Variants in CTNNA3 observed in about 807,000 individuals in gnomAD.
The protein encoded by CTNNA3 is catenin alpha-3.
Under a neutral mutation model 95.7 loss-of-function variants are expected in CTNNA3, and 76 were observed. That is an observed-to-expected ratio of 0.79 (90% CI 0.66 to 0.96). The LOEUF (loss-of-function observed/expected upper bound fraction) is 0.96. CTNNA3 is among the 40% of genes least tolerant of loss of function. The probability of loss-of-function intolerance (pLI) is 0.00; values close to 1 mark genes in which losing one functional copy is unlikely to be tolerated. For missense variants in CTNNA3, 1,191 were observed against 1,089.8 expected (o/e 1.09, Z -1.31); for synonymous variants, 431 against 374.4 (o/e 1.15, Z -1.74).
At chr10:66,746,860 A>AGTGT (rs57102717) in intron 9 of CTNNA3, among the ~76,000 whole-genome samples, 68 of 150,560 alleles carry the variant, frequency 4.5e-4, no homozygotes, top group South Asian at 2.7e-3. Flanking sequence ...AAATGGATGC[A>AGTGT]GTGTGTGTGT....
At chr10:67,478,680 C>T (rs765556261) in intron 5 of CTNNA3, among the ~76,000 whole-genome samples, 7 of 151,988 alleles carry the variant, frequency 4.6e-5, no homozygotes, top group Non-Finnish European at 7.4e-5. Flanking sequence ...CAAAAACATA[C>T]TTAAATAAAT....
intron 15 of CTNNA3, among the ~76,000 whole-genome samples, chr10:66,021,916 C>G (rs866288056): frequency 2.2e-5 from 3 of 136,402 alleles, no homozygotes; most frequent in East Asian, 2.5e-4. Context: ...TACAATTGTA[C>G]GACCGCAGCT....
At chr10:66,833,990 T>G (rs1002726142) in intron 7 of CTNNA3, among the ~76,000 whole-genome samples, 1 of 152,188 alleles carries the variant, frequency 6.6e-6, no homozygotes, top group African/African-American at 2.4e-5. Context: ...TGCCAAAATG[T>G]TATTGGGAAG....
intron 7 of CTNNA3, among the ~76,000 whole-genome samples, chr10:66,806,261 T>TTG (rs59596203): frequency 0.12 from 17,465 of 143,698 alleles, 1,351 homozygotes; most frequent in East Asian, 0.35. Context: ...ATATTGGTGT[T>TTG]TGTGTGTGTG....
At chr10:66,748,462 C>T (rs1838977322) in intron 9 of CTNNA3, among the ~76,000 whole-genome samples, 1 of 152,102 alleles carries the variant, frequency 6.6e-6, no homozygotes, top group Non-Finnish European at 1.5e-5. Context: ...GACAGATGTA[C>T]TGCAGCTCCT....
chr10:67,460,684 G>C (rs1847342766), intron 5 of CTNNA3, among the ~76,000 whole-genome samples: 1 of 151,368 alleles, frequency 6.6e-6, no homozygotes, highest in Non-Finnish European at 1.5e-5. Context: ...GACTCTTCTG[G>C]CATTATTTTT....
At chr10:67,152,449 T>TTA (rs1264128966) in intron 7 of CTNNA3, among the ~76,000 whole-genome samples, 1 of 152,180 alleles carries the variant, frequency 6.6e-6, no homozygotes, top group African/African-American at 2.4e-5. Context: ...TACATTACGT[T>TTA]TAGTGTCATA....
intron 5 of CTNNA3, among the ~76,000 whole-genome samples, chr10:67,482,065 A>G (rs1848254305): frequency 6.6e-6 from 1 of 151,806 alleles, no homozygotes; most frequent in African/African-American, 2.4e-5. Flanking sequence ...TTGTAGATAT[A>G]CGGCTTTATT....
intron 7 of CTNNA3, among the ~76,000 whole-genome samples, chr10:67,068,639 A>G (rs1317534780): frequency 6.6e-6 from 1 of 152,256 alleles, no homozygotes; most frequent in Non-Finnish European, 1.5e-5. Flanking sequence ...TGAGAGTGAC[A>G]TCAGAAAAGC....
At chr10:67,296,530 CTT>C (rs1198152401) in intron 5 of CTNNA3, among the ~76,000 whole-genome samples, 1 of 152,164 alleles carries the variant, frequency 6.6e-6, no homozygotes, top group African/African-American at 2.4e-5. Flanking sequence ...AATATTTGGA[CTT>C]TGCGTCTTTC....
intron 7 of CTNNA3, among the ~76,000 whole-genome samples, chr10:66,978,723 T>G (rs1850228313): frequency 6.7e-6 from 1 of 149,578 alleles, no homozygotes; most frequent in Admixed American, 6.7e-5. Context: ...ATAAATACAT[T>G]TACTAAACCT....
chr10:67,760,404 T>C (rs1841456117), intron 1 of CTNNA3, among the ~76,000 whole-genome samples: 1 of 152,166 alleles, frequency 6.6e-6, no homozygotes, highest in Non-Finnish European at 1.5e-5. Flanking sequence ...AAGCTAATAT[T>C]ACAAGTTATA....
intron 11 of CTNNA3, among the ~76,000 whole-genome samples, chr10:66,495,227 G>A (rs570670103): frequency 1.3e-5 from 2 of 152,128 alleles, no homozygotes; most frequent in African/African-American, 4.8e-5. Flanking sequence ...TAAACTCTCA[G>A]AGTTCTTTAT....
intron 7 of CTNNA3, among the ~76,000 whole-genome samples, chr10:66,900,012 T>C (rs1564752032): frequency 6.6e-6 from 1 of 152,108 alleles, no homozygotes; most frequent in Non-Finnish European, 1.5e-5. Flanking sequence ...CCCAGCACAG[T>C]GTTTGAGCTC....
chr10:67,060,331 A>G (rs779436809), intron 7 of CTNNA3, among the ~76,000 whole-genome samples: 1 of 152,216 alleles, frequency 6.6e-6, no homozygotes, highest in Non-Finnish European at 1.5e-5. Flanking sequence ...GTCTTTTTAA[A>G]AAAATTCTGT....
At chr10:66,475,806 G>A (rs1384472208) in intron 11 of CTNNA3, among the ~76,000 whole-genome samples, 1 of 151,914 alleles carries the variant, frequency 6.6e-6, no homozygotes, top group African/African-American at 2.4e-5. Flanking sequence ...ACATTGTGAC[G>A]ATTCCTCAGA....
At chr10:67,601,702 A>T (rs948464717) in intron 3 of CTNNA3, among the ~76,000 whole-genome samples, 4 of 152,200 alleles carry the variant, frequency 2.6e-5, no homozygotes, top group African/African-American at 9.6e-5. Context: ...TTCTAAAACT[A>T]TTTAAAGAAA....
intron 5 of CTNNA3, among the ~76,000 whole-genome samples, chr10:67,341,038 T>C (rs57998305): frequency 0.018 from 2,720 of 152,272 alleles, 86 homozygotes; most frequent in African/African-American, 0.06. Context: ...TAGGTTTTTA[T>C]TTATTTTTTC....
In CTNNA3 at chr10:66,527,482, T is replaced by G. The variant is rs141812425; in HGVS notation, c.1375-6709A>C. On this transcript the variant is annotated intron_variant, in intron 10 of 17. Transcript: ENST00000433211. ...TATTTTGATAGGGATTACATTGAAC[T>G]GGTACATTGCTTTGGTTAGTATTAT... Among the ~76,000 whole-genome samples the G allele has an allele frequency of 4.8e-3, 733 of 152,256 alleles. 6 individuals are homozygous for G. The highest frequency in any genetic ancestry group is 0.016 in the African/African-American group (678 of 41,554).
Sources: gnomAD v4.1 joint callset for allele counts (sites outside exome capture counted in the v4.1 genomes callset) on GRCh38, gnomAD v4.1.1 for gene constraint, MANE v1.5 for transcripts, NCBI Gene and HGNC (gene_info 2026-07-23, HGNC 2026-07-21) for gene names.